The following LRRC24 variants were observed in gnomAD, a reference collection of about 807,000 sequenced individuals.
The protein encoded by LRRC24 is leucine-rich repeat-containing protein 24.
Under a neutral mutation model 15.3 loss-of-function variants are expected in LRRC24, and 19 were observed. That is an observed-to-expected ratio of 1.25 (90% confidence interval 0.87 to 1.83). The LOEUF is 1.83. LRRC24 is among the 40% of genes most tolerant of loss of function. The probability of loss-of-function intolerance (pLI) is 0.00; values close to 1 mark genes in which losing one functional copy is unlikely to be tolerated. For synonymous variants in LRRC24, 469 were observed against 359.6 expected, an observed-to-expected ratio of 1.30 and a Z score of -3.44; for missense variants, 914 against 723.9, an observed-to-expected ratio of 1.26 and a Z score of -3.01.
chr8:144,526,392 C>T (rs1294433381), intron 1 of LRRC24: 1 of 152,234 alleles, frequency 6.6e-6, no homozygotes, highest in East Asian at 1.9e-4. Flanking sequence ...CCCACTCAGC[C>T]TCCCCCAGGA....
rs559812579 is a variant in LRRC24 at position 144,525,412 on chromosome 8, C to G, written c.-59-379G>C. Among the ~76,000 whole-genome samples, 150 of 152,328 alleles carry G rather than the reference C, an allele frequency of 9.8e-4. 1 individual carries two copies. The highest frequency in any genetic ancestry group is 6.8e-3 in the Middle Eastern group (2 of 294). On this transcript the variant is annotated intron_variant, in intron 1 of 4. Coordinates refer to ENST00000529415, the MANE Select transcript of LRRC24 (RefSeq NM_001024678.4). Reference sequence around the variant, plus strand: ...CTGCTTGGTTCTAGGGTGCAAGAAGCTGGAAGTACAGGGTATGGCTTGAGA... The same window carrying G: ...CTGCTTGGTTCTAGGGTGCAAGAAGGTGGAAGTACAGGGTATGGCTTGAGA...
rs1199667837 is a variant in LRRC24 at position 144,523,093 on chromosome 8, G to T, written c.924C>A (p.Ala308=). The T allele has an allele frequency of 1.2e-6, 2 of 1,608,910 alleles. No individual in the cohort carries two copies. Among genetic ancestry groups the T allele is most frequent in the Non-Finnish European group, 1.7e-6 (2 of 1,179,472 alleles). The change falls in exon 5 of 5, where the codon GCC becomes GCA. Residue 308 remains alanine, a synonymous_variant. Coordinates refer to ENST00000529415, the MANE Select transcript of LRRC24 (RefSeq NM_001024678.4). The part of the protein sequence containing the change: ...QPREGRPRAQ[A]QLEGGLLGLG... ...GGCCCAGCAACCCGCCTTCTAGCTG[G>T]GCCTGGGCTCGCGGCCGGCCCTCGC... is the stretch of plus-strand genomic sequence containing the variant.
Position 144,524,424 on chromosome 8 carries a change from A to G in LRRC24, c.438+17T>C. The stretch of plus-strand genomic sequence containing the variant: ...CCATAATGGAGTATCCCGCCCCTTT[A>G]GACCCCAGGCGCTCACCGGCAGGTG... On this transcript the variant is annotated intron_variant, in intron 3 of 4. Coordinates refer to ENST00000529415, the MANE Select transcript of LRRC24 (RefSeq NM_001024678.4). 3.8e-6 allele frequency: 6 copies of G among 1,597,244 alleles called. No homozygotes were observed. The highest frequency in any genetic ancestry group is 1.7e-5 in the Admixed American group (1 of 59,728).
chr8:144,524,794 C>A (rs768623878), intron 2 of LRRC24, 22 bp downstream of exon 2: 1 of 1,439,916 alleles, frequency 6.9e-7, no homozygotes, highest in Middle Eastern at 2.2e-4. Context: ...CCCGTCCTCC[C>A]GCAGCTCCAC....
chr8:144,522,727 G>GA lies in LRRC24; in HGVS notation c.1289_1290insT (p.Arg431GlnfsTer60), dbSNP rs1564823559. On this transcript the variant is annotated frameshift_variant, in exon 5 of 5. Coordinates refer to ENST00000529415, the MANE Select transcript of LRRC24 (RefSeq NM_001024678.4). LOFTEE classifies it low-confidence loss of function (END_TRUNC). The stretch of plus-strand genomic sequence containing the variant: ...GAGGCCCCCGCGCCTTTTTTCGCCT[G>GA]CGGCGCCGGCGACAGATCATGGCGA... 3.1e-6 allele frequency: 5 copies of GA among 1,592,632 alleles called. No homozygotes were observed. The highest frequency in any genetic ancestry group is 4.3e-6 in the Non-Finnish European group (5 of 1,171,062).
At chr8:144,523,878 T>G in intron 4 of LRRC24, 2 of 567,504 alleles carry the variant, frequency 3.5e-6, no homozygotes, top group East Asian at 3.0e-5. Context: ...GAACCCTCAA[T>G]TCTGTTAAGT....
Position 144,523,546 on chromosome 8 carries a change from AC to A in LRRC24, c.608-138del, listed in dbSNP as rs974483346. 9 of 1,328,972 alleles carry A rather than the reference AC, an allele frequency of 6.8e-6. No homozygotes were observed. The Admixed American group carries it at 2.1e-4, about 31-fold the overall frequency. The allele number at this position is 1,328,972 out of a possible 1,614,324, so 82.3% of individuals were successfully genotyped here. A position where few individuals can be genotyped will look rare whatever the true frequency, so the allele number is the denominator to read the frequency against. On this transcript the variant is annotated intron_variant, in intron 4 of 4. Transcript: ENST00000529415. The stretch of plus-strand genomic sequence containing the variant: ...TTCACACGGAGTCCAAGGCCCTGCC[AC>A]CCCTTCCTTGACCCCAAGCTCCTTG...
Position 144,522,584 on chromosome 8 carries a change from G to T in LRRC24, c.1433C>A (p.Pro478Gln). The change falls in exon 5 of 5, where the codon CCG (proline) becomes CAG (glutamine). Residue 478 changes from proline to glutamine, a missense_variant. Physicochemically the swap from Pro to Gln is moderately conservative, Grantham distance 76. Coordinates refer to ENST00000529415, the MANE Select transcript of LRRC24 (RefSeq NM_001024678.4). ...CTCCGCCGGACCCTCGGCGAAGAGC[G>T]GCTTGGAGCGGTTGATGACGAACAT... ...HEMFVINRSK[P>Q]LFAEGPAEAP... 1 of 1,558,302 alleles carries T rather than the reference G, an allele frequency of 6.4e-7. No homozygotes were observed.
intron 4 of LRRC24, chr8:144,523,858 A>T (rs1564824768): frequency 1.9e-6 from 1 of 528,542 alleles, no homozygotes; most frequent in Non-Finnish European, 3.3e-6. Flanking sequence ...CCTCAGCCTA[A>T]AAGTGTGCAG....
chr8:144,523,068 G>A lies in LRRC24; in HGVS notation c.949C>T (p.Leu317=), dbSNP rs773323555. 12 of 1,607,228 alleles carry A rather than the reference G, an allele frequency of 7.5e-6. No homozygotes were observed. The highest frequency in any genetic ancestry group is 2.2e-5 in the East Asian group (1 of 44,824). ...GTGTCGGATGCCGAGTGTCCGCCCA[G>A]GCCCAGCAACCCGCCTTCTAGCTGG... is the stretch of plus-strand genomic sequence containing the variant. The part of the protein sequence containing the change: ...QAQLEGGLLG[L]GGHSASDTGS... The change falls in exon 5 of 5, where the codon CTG becomes TTG. Residue 317 remains leucine (L), a synonymous_variant. Coordinates refer to ENST00000529415, the MANE Select transcript of LRRC24 (RefSeq NM_001024678.4).
chr8:144,524,824 C>G lies in LRRC24; in HGVS notation c.151G>C (p.Gly51Arg), dbSNP rs1254143948. The G allele has an allele frequency of 6.8e-7, 1 of 1,470,306 alleles. No homozygotes were observed. The highest frequency in any genetic ancestry group is 9.0e-7 in the Non-Finnish European group (1 of 1,110,982). The allele number at this position is 1,470,306 out of a possible 1,614,324, so 91.1% of individuals were successfully genotyped here. A position where few individuals can be genotyped will look rare whatever the true frequency, so the allele number is the denominator to read the frequency against. ...CTCCACACGGTGCCCACCTGCGTCC[C>G]TGGCGGGATTCCCAGCGGGACGACG... ...LRVVPLGIPP[G>R]TQTLFLQDNN... Residue 51 changes from glycine to arginine, a missense_variant, in exon 2 of 5, where the codon GGG becomes CGG. Gly to Arg is a moderately radical substitution (Grantham distance 125, BLOSUM62 -2). Transcript: ENST00000529415.
At chr8:144,526,850 C>G (rs556866137) in intron 1 of LRRC24, 110 bp downstream of exon 1, 1 of 152,248 alleles carries the variant, frequency 6.6e-6, no homozygotes, top group African/African-American at 2.4e-5. Flanking sequence ...GTTCCCCATC[C>G]CCCTCCAGGA....
At chr8:144,523,570 T>C (rs969356265) in intron 4 of LRRC24, 161 bp from the exon 5 acceptor site, 152 of 1,207,424 alleles carry the variant, frequency 1.3e-4, no homozygotes, top group Non-Finnish European at 1.6e-4. Flanking sequence ...CCCAAGCTCC[T>C]TGGGGCGGCA....
intron 1 of LRRC24, 89 bp from the exon 2 acceptor site, chr8:144,525,122 G>C (rs9071): frequency 1.3e-6 from 1 of 795,156 alleles, no homozygotes; most frequent in Non-Finnish European, 1.8e-6. Context: ...AACTTTTGAC[G>C]CTATAAATAG....
chr8:144,522,805 C>A lies in LRRC24; in HGVS notation c.1212G>T (p.Gln404His). 1 of 1,534,932 alleles carries A rather than the reference C, an allele frequency of 6.5e-7. No individual in the cohort carries two copies. Among genetic ancestry groups the A allele is most frequent in the Non-Finnish European group, 8.7e-7 (1 of 1,145,644 alleles). The change falls in exon 5 of 5, where the codon CAG becomes CAT. Residue 404 changes from glutamine to histidine, a missense_variant. Gln to His is a conservative substitution (Grantham distance 24). Coordinates refer to ENST00000529415, the MANE Select transcript of LRRC24 (RefSeq NM_001024678.4). ...MAFRALGVAT[Q>H]TAIAAAIALL... ...GCGCGATGGCCGCCGCAATGGCCGT[C>A]TGTGTGGCCACGCCCAGGGCGCGGA... is the stretch of plus-strand genomic sequence containing the variant.
chr8:144,525,057 G>A (rs775633315), intron 1 of LRRC24, 24 bp from the exon 2 acceptor site: 78 of 1,352,948 alleles, frequency 5.8e-5, no homozygotes, highest in Admixed American at 2.8e-4. Context: ...TGGCAGGCCA[G>A]TCTCGGCAGT....
Position 144,524,102 on chromosome 8 carries a change from A to G in LRRC24, c.607+8T>C. 3 of 1,590,082 alleles carry G rather than the reference A, an allele frequency of 1.9e-6. No homozygotes were observed. The highest frequency in any genetic ancestry group is 2.6e-6 in the Non-Finnish European group (3 of 1,162,812). ...CCCAGACAGAGACGCTTTCCGAGGA[A>G]GAGGTACCTGTGAGGCGCAGGACTT... On this transcript the variant is annotated splice_region_variant and intron_variant, in intron 4 of 4. Coordinates refer to ENST00000529415, the MANE Select transcript of LRRC24 (RefSeq NM_001024678.4).
Position 144,522,731 on chromosome 8 carries a change from C to G in LRRC24, c.1286G>C (p.Arg429Pro), listed in dbSNP as rs755974916. 2.5e-6 allele frequency: 4 copies of G among 1,591,776 alleles called. No homozygotes were observed. The African/African-American group carries it at 5.4e-5, about 22-fold the overall frequency. The change falls in exon 5 of 5, where the codon CGC (arginine) becomes CCC (proline). Residue 429 changes from arginine (R) to proline (P), a missense_variant. By Grantham distance (103) the Arg-to-Pro change is moderately radical (BLOSUM62 -2). Transcript: ENST00000529415. Reference protein sequence around the residue: ...LLLVAMICRRRRRRKKARGPP... With the variant: ...LLLVAMICRRPRRRKKARGPP... Reference sequence around the variant, plus strand: ...CCCCCGCGCCTTTTTTCGCCTGCGGCGCCGGCGACAGATCATGGCGACCAG... The same window carrying G: ...CCCCCGCGCCTTTTTTCGCCTGCGGGGCCGGCGACAGATCATGGCGACCAG...
At chr8:144,523,558 A>G (rs1816220470) in intron 4 of LRRC24, 149 bp from the exon 5 acceptor site, 1 of 1,256,896 alleles carries the variant, frequency 8.0e-7, no homozygotes, top group Non-Finnish European at 1.0e-6. Context: ...CCCTTCCTTG[A>G]CCCCAAGCTC....
Sources: gnomAD v4.1 joint callset for allele counts (sites outside exome capture counted in the v4.1 genomes callset) on GRCh38, gnomAD v4.1.1 for gene constraint, MANE v1.5 for transcripts, NCBI Gene and HGNC (gene_info 2026-07-23, HGNC 2026-07-21) for gene names.